The following ZNF423 variants were observed in gnomAD, a reference collection of about 807,000 sequenced individuals.
The protein encoded by ZNF423 is Ebf-associated zinc finger protein.
Under a neutral mutation model 95.8 loss-of-function variants are expected in ZNF423, and 12 were observed. The observed-to-expected ratio is 0.13, with a 90% CI of 0.08 to 0.20. The LOEUF (loss-of-function observed/expected upper bound fraction) is 0.20. Ranked by LOEUF, ZNF423 falls within the 10% of genes least tolerant of loss-of-function variation. The pLI, the probability that ZNF423 is intolerant of heterozygous loss-of-function variation, is 1.00. For missense variants in ZNF423, 1,316 were observed against 1,737.1 expected (o/e 0.76, Z 4.31); for synonymous variants, 749 against 711.9 (o/e 1.05, Z -0.83).
At chr16:49,846,360 G>A (rs919871076) in intron 1 of ZNF423, among the ~76,000 whole-genome samples, 1 of 151,696 alleles carries the variant, frequency 6.6e-6, no homozygotes, top group Non-Finnish European at 1.5e-5. Context: ...CGCCCTGCGA[G>A]TGAAAGTGTG....
At chr16:49,517,932 G>A (rs560902285) in intron 7 of ZNF423, 1 of 453,508 alleles carries the variant, frequency 2.2e-6, no homozygotes. Flanking sequence ...TGTAGAAACT[G>A]ATCAAAAGAC....
Position 49,624,496 on chromosome 16 carries a change from T to G in ZNF423, c.3601+1674A>C, listed in dbSNP as rs138239984. 4.5e-3 allele frequency among the ~76,000 whole-genome samples: 682 copies of G among 152,238 alleles called. 6 individuals are homozygous for G. The highest frequency in any genetic ancestry group is 0.015 in the African/African-American group (623 of 41,536). ...TGAACCTGCGAGGCGGAGGTTGCAGTGGGCAGAGATCGTGCCACTGCACTC... is the reference window on the plus strand; with the variant it reads ...TGAACCTGCGAGGCGGAGGTTGCAGGGGGCAGAGATCGTGCCACTGCACTC... On this transcript the variant is annotated intron_variant, in intron 5 of 7. Coordinates refer to ENST00000563137, the MANE Select transcript of ZNF423 (RefSeq NM_001379286.1).
chr16:49,601,731 A>C lies in ZNF423; in HGVS notation c.3601+24439T>G, dbSNP rs372952898. Among the ~76,000 whole-genome samples, 8 of 152,366 alleles carry C rather than the reference A, an allele frequency of 5.3e-5. No individual in the cohort carries two copies. In the East Asian group the frequency reaches 1.4e-3, roughly 26 times the overall value. ...TGCAAGCTTCTCTCTGGGCTCAGTC[A>C]GCCTGTGGTCCCCCCTTGGCTTTGG... On this transcript the variant is annotated intron_variant, in intron 5 of 7. Transcript: ENST00000563137.
At chr16:49,766,183 G>A (rs550998132) in intron 2 of ZNF423, among the ~76,000 whole-genome samples, 14 of 152,304 alleles carry the variant, frequency 9.2e-5, no homozygotes, top group African/African-American at 3.1e-4. Context: ...AAAATTCAAA[G>A]CAGAAGTCAG....
chr16:49,723,648 T>C (rs2032929135), intron 3 of ZNF423, among the ~76,000 whole-genome samples: 1 of 152,250 alleles, frequency 6.6e-6, no homozygotes, highest in South Asian at 2.1e-4. Flanking sequence ...TACTATTGAA[T>C]TAAAATATTT....
chr16:49,804,321 TTG>T (rs2034628773), intron 1 of ZNF423, among the ~76,000 whole-genome samples: 1 of 152,202 alleles, frequency 6.6e-6, no homozygotes, highest in Admixed American at 6.5e-5. Flanking sequence ...AGAATGATAA[TTG>T]TGGACAAAAT....
chr16:49,622,192 T>C (rs1204936847), intron 5 of ZNF423, among the ~76,000 whole-genome samples: 1 of 152,172 alleles, frequency 6.6e-6, no homozygotes, highest in African/African-American at 2.4e-5. Context: ...ATTGCGGGAA[T>C]GTGAAGCCCT....
intron 3 of ZNF423, among the ~76,000 whole-genome samples, chr16:49,702,723 G>A (rs2032223401): frequency 6.6e-6 from 1 of 152,250 alleles, no homozygotes; most frequent in African/African-American, 2.4e-5. Flanking sequence ...CTAGGTGATG[G>A]GGGCCAGAGA....
chr16:49,566,772 G>A (rs9923602), intron 5 of ZNF423, among the ~76,000 whole-genome samples: 5 of 151,948 alleles, frequency 3.3e-5, no homozygotes, highest in South Asian at 2.1e-4. Flanking sequence ...CGGGCAGCGC[G>A]GGGAGGTGGT....
At chr16:49,585,958 G>A (rs540505053) in intron 5 of ZNF423, among the ~76,000 whole-genome samples, 56 of 152,268 alleles carry the variant, frequency 3.7e-4, no homozygotes, top group African/African-American at 1.2e-3. Context: ...CCACCGTGAC[G>A]TCTGAAATAT....
intron 1 of ZNF423, among the ~76,000 whole-genome samples, chr16:49,853,327 A>G (rs2035322414): frequency 6.6e-6 from 1 of 151,954 alleles, no homozygotes; most frequent in Non-Finnish European, 1.5e-5. Flanking sequence ...CTTGAAAAGC[A>G]ATAAATCCCT....
intron 3 of ZNF423, among the ~76,000 whole-genome samples, chr16:49,707,044 A>G (rs935725940): frequency 2.7e-4 from 41 of 152,258 alleles, no homozygotes; most frequent in African/African-American, 9.4e-4. Context: ...ATGGCTTCCC[A>G]CTAGGCTTGG....
intron 3 of ZNF423, among the ~76,000 whole-genome samples, chr16:49,685,434 C>T (rs2031526810): frequency 6.6e-6 from 1 of 152,164 alleles, no homozygotes; most frequent in Non-Finnish European, 1.5e-5. Context: ...CTTGGACTGA[C>T]ACCCCACTGT....
intron 1 of ZNF423, among the ~76,000 whole-genome samples, chr16:49,830,052 T>A (rs922690407): frequency 1.3e-5 from 2 of 151,942 alleles, no homozygotes; most frequent in Non-Finnish European, 2.9e-5. Context: ...AGTGAATACA[T>A]CAATAAATTC....
intron 7 of ZNF423, among the ~76,000 whole-genome samples, chr16:49,514,299 G>A (rs929486302): frequency 6.6e-6 from 1 of 151,672 alleles, no homozygotes; most frequent in South Asian, 2.1e-4. Context: ...ACAGTACAGC[G>A]TTTTCACATT....
intron 3 of ZNF423, among the ~76,000 whole-genome samples, chr16:49,695,573 G>A (rs1404407524): frequency 2.6e-5 from 4 of 152,170 alleles, no homozygotes; most frequent in Admixed American, 6.5e-5. Context: ...GATTACAGGC[G>A]TTAGCCACTG....
At chr16:49,725,111 G>A (rs988524473) in intron 3 of ZNF423, among the ~76,000 whole-genome samples, 1 of 152,174 alleles carries the variant, frequency 6.6e-6, no homozygotes. Flanking sequence ...GCAAAATGAG[G>A]ACGAATGGTA....
chr16:49,785,890 G>A (rs1223827301), intron 2 of ZNF423, among the ~76,000 whole-genome samples: 1 of 152,238 alleles, frequency 6.6e-6, no homozygotes, highest in Non-Finnish European at 1.5e-5. Context: ...GGCAGGAGAA[G>A]AAGAATGACC....
intron 1 of ZNF423, among the ~76,000 whole-genome samples, chr16:49,816,600 A>G (rs1362400059): frequency 2.0e-5 from 3 of 152,256 alleles, no homozygotes; most frequent in Non-Finnish European, 4.4e-5. Flanking sequence ...CCTAAGCAAC[A>G]TAGTGAGGCC....
Sources: allele counts gnomAD v4.1 joint callset (sites outside exome capture counted in the v4.1 genomes callset), GRCh38; gene constraint gnomAD v4.1.1; transcripts MANE v1.5; gene names NCBI Gene and HGNC (gene_info 2026-07-23, HGNC 2026-07-21).